Variants in UGGT1 observed in about 807,000 individuals in gnomAD.
The protein encoded by UGGT1 is UDP-glucose glycoprotein glucosyltransferase 1.
A neutral mutation model predicts 203.9 loss-of-function variants in UGGT1; 107 were observed. That is an observed-to-expected ratio of 0.52 (90% CI 0.45 to 0.62). UGGT1 has a LOEUF of 0.62. UGGT1 is among the 20% of genes least tolerant of loss of function. The pLI is 0.00. For synonymous variants in UGGT1, 628 were observed against 653.5 expected (o/e 0.96, Z 0.59); for missense variants, 1,673 against 1,867.2 (o/e 0.90, Z 1.92).
At chr2:128,137,439 A>G (rs1022417269) in intron 15 of UGGT1, among the ~76,000 whole-genome samples, 5 of 152,160 alleles carry the variant, frequency 3.3e-5, no homozygotes, top group African/African-American at 9.7e-5. Context: ...AGAGTTGCAT[A>G]TTTTGTTTAC....
chr2:128,128,791 C>A (rs1337163399), intron 12 of UGGT1, among the ~76,000 whole-genome samples: 1 of 152,148 alleles, frequency 6.6e-6, no homozygotes, highest in East Asian at 1.9e-4. Context: ...ATTGTAAATA[C>A]ATATGCAGTT....
chr2:128,127,963 A>G (rs1455675892), intron 12 of UGGT1, among the ~76,000 whole-genome samples: 1 of 152,054 alleles, frequency 6.6e-6, no homozygotes, highest in East Asian at 1.9e-4. Flanking sequence ...AGTACCAACT[A>G]CTTGGAAGGC....
intron 2 of UGGT1, among the ~76,000 whole-genome samples, chr2:128,101,925 GT>G (rs1221561454): frequency 2.0e-5 from 3 of 151,836 alleles, no homozygotes; most frequent in Non-Finnish European, 4.4e-5. Flanking sequence ...GTTGTTTGTA[GT>G]TTTTTTTGTG....
chr2:128,096,207 C>T (rs539169436), intron 1 of UGGT1, among the ~76,000 whole-genome samples: 1 of 152,148 alleles, frequency 6.6e-6, no homozygotes. Context: ...CTAGATCCCT[C>T]ATTTTGTAGA....
chr2:128,187,513 A>G lies in UGGT1; in HGVS notation c.4541A>G (p.Gln1514Arg). The G allele has an allele frequency of 6.2e-7, 1 of 1,614,210 alleles. No individual in the cohort carries two copies. Among genetic ancestry groups the G allele is most frequent in the South Asian group, 1.1e-5 (1 of 91,086 alleles). Residue 1514 changes from glutamine (Q) to arginine (R), a missense_variant, in exon 40 of 41, where the codon CAG becomes CGG. By Grantham distance (43) the Gln-to-Arg change is conservative. Around this residue, in one of 4 missense-constraint regions of UGGT1, gnomAD observed 513 missense variants for 684.1 expected, o/e 0.75. Transcript: ENST00000259253. ...GCTGTGCGGATTGTCCCGGAGTGGC[A>G]GGACTACGACCAAGAGATCAAACAG... ...EAAVRIVPEW[Q>R]DYDQEIKQLQ... is the part of the protein sequence containing the mutation.
At chr2:128,151,025 A>G in intron 18 of UGGT1, 1 of 192,292 alleles carries the variant, frequency 5.2e-6, no homozygotes, top group South Asian at 7.6e-5. Context: ...TAATTTTTGT[A>G]TTTTTAGTAG....
chr2:128,113,388 A>G, intron 6 of UGGT1, 130 bp downstream of exon 6: 1 of 697,738 alleles, frequency 1.4e-6, no homozygotes, highest in Non-Finnish European at 2.2e-6. Context: ...CAAATCCAGT[A>G]GTTTCATTGA....
intron 2 of UGGT1, among the ~76,000 whole-genome samples, chr2:128,098,527 G>A (rs1322516118): frequency 6.6e-6 from 1 of 152,188 alleles, no homozygotes; most frequent in Non-Finnish European, 1.5e-5. Flanking sequence ...AGGCTGAGGT[G>A]GGTGGATTGC....
chr2:128,098,333 A>C (rs1687208334), intron 2 of UGGT1, among the ~76,000 whole-genome samples: 1 of 152,210 alleles, frequency 6.6e-6, no homozygotes, highest in African/African-American at 2.4e-5. Flanking sequence ...TTGGGTGGAC[A>C]AGGTGGGTGG....
At position 128,133,279 on chromosome 2, in the gene UGGT1, C is replaced by G; in HGVS notation, c.1497+19C>G. 1 of 1,602,940 alleles carries G rather than the reference C, an allele frequency of 6.2e-7. No individual in the cohort carries two copies. Among genetic ancestry groups the G allele is most frequent in the East Asian group, 2.3e-5 (1 of 44,256 alleles). ...TAATATGGTAAGTAAAACTTATTGT[C>G]TGGCTGTGAACTCTGTTTCTCCCTT... On this transcript the variant is annotated intron_variant, in intron 14 of 40. Coordinates refer to ENST00000259253, the MANE Select transcript of UGGT1 (RefSeq NM_020120.4).
At chr2:128,117,535 T>TA (rs1225659228) in intron 8 of UGGT1, among the ~76,000 whole-genome samples, 1 of 145,550 alleles carries the variant, frequency 6.9e-6, no homozygotes, top group Non-Finnish European at 1.5e-5. Flanking sequence ...AAAGTCTTCT[T>TA]AACTGTTATT....
intron 18 of UGGT1, among the ~76,000 whole-genome samples, chr2:128,146,414 C>T (rs1689692267): frequency 1.3e-5 from 2 of 152,038 alleles, no homozygotes; most frequent in South Asian, 4.1e-4. Flanking sequence ...CATAAATCTT[C>T]TATATATGGT....
At chr2:128,157,397 T>G (rs754067770) in intron 22 of UGGT1, 51 bp downstream of exon 22, 4 of 1,471,596 alleles carry the variant, frequency 2.7e-6, no homozygotes, top group Middle Eastern at 1.7e-4. Context: ...TGTAGTTGTC[T>G]TCATGGGCTT....
intron 3 of UGGT1, among the ~76,000 whole-genome samples, chr2:128,104,886 A>T (rs570645606): frequency 6.6e-6 from 1 of 152,116 alleles, no homozygotes; most frequent in Non-Finnish European, 1.5e-5. Flanking sequence ...ACCTCAAGTG[A>T]TCCACCCGCC....
intron 12 of UGGT1, among the ~76,000 whole-genome samples, chr2:128,128,598 C>T (rs1377023103): frequency 1.3e-5 from 2 of 152,214 alleles, no homozygotes; most frequent in African/African-American, 4.8e-5. Context: ...AGGCATGAGC[C>T]ACCGCGCCCA....
At chr2:128,183,937 TGAGAGA>T (rs71396517) in intron 38 of UGGT1, 148 bp downstream of exon 38, 41 of 328,332 alleles carry the variant, frequency 1.2e-4, no homozygotes, top group African/African-American at 1.8e-4. Flanking sequence ...TGTGTGTGTG[TGAGAGA>T]GAGAGAGAGA....
At chr2:128,116,674 A>G (rs12692074) in intron 8 of UGGT1, among the ~76,000 whole-genome samples, 135,501 of 152,098 alleles carry the variant, frequency 0.89, 61,332 homozygotes, top group Non-Finnish European at 0.98. Context: ...ACAGGCATGC[A>G]CCACCACACC....
At chr2:128,120,250 C>T in intron 8 of UGGT1, 106 bp from the exon 9 acceptor site, 1 of 989,780 alleles carries the variant, frequency 1.0e-6, no homozygotes, top group Non-Finnish European at 1.5e-6. Context: ...TAGAAAATTT[C>T]CTAGGGTTGG....
At chr2:128,137,265 A>G (rs983493794) in intron 15 of UGGT1, among the ~76,000 whole-genome samples, 3 of 152,188 alleles carry the variant, frequency 2.0e-5, no homozygotes, top group Non-Finnish European at 4.4e-5. Context: ...GAGAACTAAA[A>G]AAGAGTAGCC....
Sources: allele counts gnomAD v4.1 joint callset (sites outside exome capture counted in the v4.1 genomes callset), GRCh38; gene constraint gnomAD v4.1.1; regional missense constraint gnomAD v4.1.1; transcripts MANE v1.5; gene names NCBI Gene and HGNC (gene_info 2026-07-23, HGNC 2026-07-21).